POR: variants seen among roughly 807,000 people sequenced by gnomAD.
POR encodes cytochrome p450 oxidoreductase.
POR carries 56 observed loss-of-function variants against 84.0 expected under a neutral mutation model. The ratio of observed to expected loss-of-function variants is 0.67; its 90% CI spans 0.54 to 0.83. The LOEUF (loss-of-function observed/expected upper bound fraction) is 0.83. POR is among the 40% of genes least tolerant of loss of function. The pLI, the probability that POR is intolerant of heterozygous loss-of-function variation, is 0.00. For synonymous variants in POR, 414 were observed against 400.5 expected, an observed-to-expected ratio of 1.03 and a Z score of -0.40; for missense variants, 938 against 944.3, an observed-to-expected ratio of 0.99 and a Z score of 0.09.
At chr7:75,926,588 G>A (rs1170167249) in intron 1 of POR, among the ~76,000 whole-genome samples, 4 of 152,140 alleles carry the variant, frequency 2.6e-5, no homozygotes, top group African/African-American at 7.2e-5. Flanking sequence ...CTGAGGTCGC[G>A]AGTTCGAGAC....
rs368705844 is a variant in POR at position 75,982,196 on chromosome 7, G to A, written c.732-28G>A. ...TCGGGACTGACCCCTGCCGCTTCCC[G>A]GCCTCACCCTTGGTCTCCCCTTTCC... On this transcript the variant is annotated intron_variant, in intron 7 of 15. Transcript: ENST00000461988. The A allele has an allele frequency of 3.5e-5, 56 of 1,580,368 alleles. No homozygotes were observed. In the African/African-American group the frequency reaches 3.9e-4, roughly 11 times the overall value.
At chr7:75,915,438 G>A (rs1311509032) in intron 1 of POR, 1 of 152,300 alleles carries the variant, frequency 6.6e-6, no homozygotes, top group African/African-American at 2.4e-5. Flanking sequence ...CTTGGGCCGA[G>A]AGAGCCCGGC....
intron 4 of POR, among the ~76,000 whole-genome samples, 177 bp from the exon 5 acceptor site, chr7:75,980,162 C>T (rs1297309676): frequency 6.6e-6 from 1 of 152,198 alleles, no homozygotes; most frequent in Admixed American, 6.5e-5. Context: ...GCCCACCTGG[C>T]ACAAATGCCC....
At chr7:75,916,837 A>G (rs1432708059) in intron 1 of POR, among the ~76,000 whole-genome samples, 1 of 152,166 alleles carries the variant, frequency 6.6e-6, no homozygotes, top group Non-Finnish European at 1.5e-5. Flanking sequence ...GTAGGAGTTT[A>G]TAAATGCCAC....
intron 1 of POR, among the ~76,000 whole-genome samples, chr7:75,925,511 C>G (rs1470523307): frequency 7.2e-5 from 11 of 152,122 alleles, no homozygotes; most frequent in Admixed American, 2.0e-4. Flanking sequence ...GGTGATGGAG[C>G]AAGACCCCAT....
chr7:75,971,841 G>A (rs566417591), intron 2 of POR, among the ~76,000 whole-genome samples: 44 of 152,094 alleles, frequency 2.9e-4, no homozygotes, highest in Non-Finnish European at 6.2e-4. Context: ...CAGGGAGGGG[G>A]TGTGAATTAG....
intron 1 of POR, chr7:75,943,663 G>T: frequency 3.7e-6 from 1 of 271,392 alleles, no homozygotes; most frequent in South Asian, 3.2e-5. Flanking sequence ...CAACTTCTTT[G>T]AAAATGCTCT....
rs948391547 is a variant in POR at position 75,971,868 on chromosome 7, G to A, written c.189-545G>A. Reference sequence around the variant, plus strand: ...GTGAATTAGGCATCAAGCTTGGTTTGTGGAGGGGAGTGGCAGGTGACGCTG... The same window carrying A: ...GTGAATTAGGCATCAAGCTTGGTTTATGGAGGGGAGTGGCAGGTGACGCTG... On this transcript the variant is annotated intron_variant, in intron 2 of 15. Transcript: ENST00000461988. Among the ~76,000 whole-genome samples, 4 of 152,250 alleles carry A rather than the reference G, an allele frequency of 2.6e-5. No homozygotes were observed. In the South Asian group the frequency reaches 6.2e-4, roughly 24 times the overall value.
At chr7:75,939,795 A>G (rs1451817799) in intron 1 of POR, among the ~76,000 whole-genome samples, 2 of 151,990 alleles carry the variant, frequency 1.3e-5, no homozygotes, top group Non-Finnish European at 2.9e-5. Context: ...TTTAGTAGAG[A>G]CTGGGTTTCC....
At chr7:75,952,745 C>T (rs1455010012) in intron 1 of POR, among the ~76,000 whole-genome samples, 1 of 151,808 alleles carries the variant, frequency 6.6e-6, no homozygotes, top group Non-Finnish European at 1.5e-5. Flanking sequence ...AGAGACGCTC[C>T]TCACTTCCTA....
At chr7:75,936,758 C>T (rs1554550860) in intron 1 of POR, among the ~76,000 whole-genome samples, 2 of 151,828 alleles carry the variant, frequency 1.3e-5, no homozygotes, top group African/African-American at 4.8e-5. Context: ...GACTTCAGAA[C>T]TGATCTGCCC....
At position 75,982,188 on chromosome 7, in the gene POR, C is replaced by T. The variant is rs55783084; in HGVS notation, c.732-36C>T. On this transcript the variant is annotated intron_variant, in intron 7 of 15. Coordinates refer to ENST00000461988, the MANE Select transcript of POR (RefSeq NM_000941.3). Reference sequence around the variant, plus strand: ...CCTCCCTCTCGGGACTGACCCCTGCCGCTTCCCGGCCTCACCCTTGGTCTC... The same window carrying T: ...CCTCCCTCTCGGGACTGACCCCTGCTGCTTCCCGGCCTCACCCTTGGTCTC... The T allele has an allele frequency of 6.7e-3, 10,435 of 1,550,372 alleles. 63 individuals are homozygous for T. The highest frequency in any genetic ancestry group is 0.012 in the South Asian group (1,072 of 85,992).
intron 7 of POR, chr7:75,981,937 G>A: frequency 1.8e-6 from 1 of 565,540 alleles, no homozygotes; most frequent in East Asian, 3.0e-5. Flanking sequence ...TGCCCTTGAT[G>A]GCCCCTGGGT....
chr7:75,957,694 T>C (rs1315291218), intron 2 of POR, among the ~76,000 whole-genome samples: 5 of 152,220 alleles, frequency 3.3e-5, no homozygotes, highest in Non-Finnish European at 2.9e-5. Context: ...TTGTTGATTC[T>C]CACTGTTCCT....
chr7:75,933,340 A>G (rs552868634), intron 1 of POR, among the ~76,000 whole-genome samples: 1 of 147,424 alleles, frequency 6.8e-6, no homozygotes, highest in African/African-American at 2.5e-5. Flanking sequence ...ACACATTGCT[A>G]CTAACTATAG....
chr7:75,986,511 C>T lies in POR; in HGVS notation c.*30C>T, dbSNP rs782520970. ...CTGCCTGCCCCACCCACCCCACAGA[C>T]TCCGGCCTGTAATCAGCTCTCCTGG... On this transcript the variant is annotated 3_prime_UTR_variant, in exon 16 of 16. Coordinates refer to ENST00000461988, the MANE Select transcript of POR (RefSeq NM_000941.3). The T allele has an allele frequency of 1.9e-6, 3 of 1,598,922 alleles. No homozygotes were observed. The highest frequency in any genetic ancestry group is 1.1e-5 in the South Asian group (1 of 90,338).
chr7:75,943,735 A>G (rs782734282), intron 1 of POR: 1 of 362,184 alleles, frequency 2.8e-6, no homozygotes, highest in Admixed American at 3.3e-5. Flanking sequence ...GTAAACAACA[A>G]CTGAAAAGTA....
chr7:75,972,502 G>T, intron 3 of POR, 41 bp downstream of exon 3: 1 of 1,523,230 alleles, frequency 6.6e-7, no homozygotes, highest in East Asian at 2.3e-5. Flanking sequence ...AGGAAGCCTC[G>T]GCCCCGATGG....
chr7:75,939,981 G>A (rs1554551328), intron 1 of POR, among the ~76,000 whole-genome samples: 1 of 151,766 alleles, frequency 6.6e-6, no homozygotes, highest in East Asian at 1.9e-4. Flanking sequence ...ACTCACTGCA[G>A]CCTCAACCTG....
Sources: gnomAD v4.1 joint callset for allele counts (sites outside exome capture counted in the v4.1 genomes callset) on GRCh38, gnomAD v4.1.1 for gene constraint, MANE v1.5 for transcripts, NCBI Gene and HGNC (gene_info 2026-07-23, HGNC 2026-07-21) for gene names.